GTF3C1: variants seen among roughly 807,000 people sequenced by gnomAD.
GTF3C1 encodes general transcription factor 3C polypeptide 1.
Under a neutral mutation model 226.7 loss-of-function variants are expected in GTF3C1, and 57 were observed. The ratio of observed to expected loss-of-function variants is 0.25; its 90% CI spans 0.20 to 0.31. The LOEUF is 0.31. Ranked by LOEUF, GTF3C1 falls within the 10% of genes least tolerant of loss-of-function variation. The pLI is 1.00. For missense variants in GTF3C1, 2,217 were observed against 2,776.1 expected (o/e 0.80, Z 4.53); for synonymous variants, 1,090 against 1,084.8 (o/e 1.00, Z -0.09).
In GTF3C1 at chr16:27,521,312, A is replaced by C. The variant is rs144332223; in HGVS notation, c.973+7286T>G. Among the ~76,000 whole-genome samples, 114 of 152,280 alleles carry C rather than the reference A, an allele frequency of 7.5e-4. 1 individual carries two copies. The East Asian group carries it at 0.02, about 27-fold the overall frequency. On this transcript the variant is annotated intron_variant, in intron 6 of 36. Transcript: ENST00000356183. ...GCCTGTAAAGGCATCAGCTAGCTAC[A>C]CCTTAGAGAGGTCTTGCGAGAAAAT...
chr16:27,525,879 T>C (rs1436146301), intron 6 of GTF3C1, among the ~76,000 whole-genome samples: 5 of 152,244 alleles, frequency 3.3e-5, no homozygotes, highest in African/African-American at 1.2e-4. Flanking sequence ...TCTATGAGCA[T>C]GTCACTAACT....
Position 27,464,563 on chromosome 16 carries a change from C to A in GTF3C1, c.5629G>T (p.Gly1877Cys), listed in dbSNP as rs1032826239. 1 of 1,492,298 alleles carries A rather than the reference C, an allele frequency of 6.7e-7. No individual in the cohort carries two copies. Among genetic ancestry groups the A allele is most frequent in the East Asian group, 2.5e-5 (1 of 40,576 alleles). 92.4% of individuals were successfully genotyped at this position (1,492,298 alleles called of 1,614,324 possible). ...CTCTTGGCAGGGGTCATCTGGGTGC[C>A]CTCGGCGTCGGTCTCCCCATTCTCA... ...ASENGETDAE[G>C]TQMTPAKRPA... is the part of the protein sequence containing the mutation. The change falls in exon 34 of 37, where the codon GGC becomes TGC. Residue 1877 changes from glycine to cysteine, a missense_variant. Around this residue, in one of 12 missense-constraint regions of GTF3C1, gnomAD observed 455 missense variants for 441.9 expected, o/e 1.03. Coordinates refer to ENST00000356183, the MANE Select transcript of GTF3C1 (RefSeq NM_001520.4).
At position 27,488,230 on chromosome 16, in the gene GTF3C1, T is replaced by C. The variant is rs1167590062; in HGVS notation, c.3697A>G (p.Lys1233Glu). 1.2e-6 allele frequency: 2 copies of C among 1,613,524 alleles called. No homozygotes were observed. The highest frequency in any genetic ancestry group is 1.7e-6 in the Non-Finnish European group (2 of 1,179,654). Residue 1233 changes from lysine to glutamate, a missense_variant, in exon 23 of 37, where the codon AAA becomes GAA. Physicochemically the swap from Lys to Glu is moderately conservative, Grantham distance 56 (BLOSUM62 1). Coordinates refer to ENST00000356183, the MANE Select transcript of GTF3C1 (RefSeq NM_001520.4). ...DPGKKIKRKK[K>E]GEFPGEKSKR... Reference sequence around the variant, plus strand: ...ATGAAAATGATCACCACATAACCTTTCTTCTTTCTCTTGATCTTCTTCCCA... The same window carrying C: ...ATGAAAATGATCACCACATAACCTTCCTTCTTTCTCTTGATCTTCTTCCCA...
rs997103029 is a variant in GTF3C1 at position 27,471,407 on chromosome 16, G to A, written c.4526+341C>T. On this transcript the variant is annotated intron_variant, in intron 30 of 36. Transcript: ENST00000356183. The surrounding 1 kb of genome is among the most constrained non-coding windows in gnomAD (Gnocchi z 5.0). ...GGCTTCCCAGGTCTCAGGGCTACGC[G>A]GAAGAGGGACTGAGGCTATGCTGGA... Among the ~76,000 whole-genome samples the A allele has an allele frequency of 7.2e-5, 11 of 152,338 alleles. No individual in the cohort carries two copies. The East Asian group carries it at 1.9e-3, about 27-fold the overall frequency.
intron 28 of GTF3C1, 139 bp from the exon 29 acceptor site, chr16:27,476,683 AT>A (rs2087955471): frequency 1.6e-6 from 1 of 622,092 alleles, no homozygotes; most frequent in Non-Finnish European, 2.9e-6. Flanking sequence ...AAAACACAAT[AT>A]ATGATGGTTT....
chr16:27,478,612 T>C, intron 27 of GTF3C1, 81 bp from the exon 28 acceptor site: 1 of 932,424 alleles, frequency 1.1e-6, no homozygotes, highest in Non-Finnish European at 1.8e-6. Context: ...AAGATGGCCA[T>C]TTATTGGCTA....
At chr16:27,514,766 A>G (rs756121112) in intron 6 of GTF3C1, among the ~76,000 whole-genome samples, 1 of 152,230 alleles carries the variant, frequency 6.6e-6, no homozygotes, top group Non-Finnish European at 1.5e-5. Flanking sequence ...AGGAATTCAC[A>G]CAAACAAATG....
At chr16:27,513,358 G>A (rs1265050483) in intron 6 of GTF3C1, among the ~76,000 whole-genome samples, 1 of 152,238 alleles carries the variant, frequency 6.6e-6, no homozygotes, top group African/African-American at 2.4e-5. Flanking sequence ...GGAGGCTGAA[G>A]TGAGAGGATT....
intron 5 of GTF3C1, among the ~76,000 whole-genome samples, chr16:27,529,731 C>T (rs2088886689): frequency 6.6e-6 from 1 of 152,212 alleles, no homozygotes; most frequent in Non-Finnish European, 1.5e-5. Context: ...AAGGCTAGGA[C>T]TGCAGCTCCT....
intron 29 of GTF3C1, among the ~76,000 whole-genome samples, chr16:27,472,925 CT>C (rs906306611): frequency 6.6e-6 from 1 of 151,504 alleles, no homozygotes; most frequent in Non-Finnish European, 1.5e-5. Context: ...GATTCAACTC[CT>C]TTTTTTTTGA....
chr16:27,462,042 C>A lies in GTF3C1; in HGVS notation c.6117+252G>T, dbSNP rs2087713228. On this transcript the variant is annotated intron_variant, in intron 36 of 36. Coordinates refer to ENST00000356183, the MANE Select transcript of GTF3C1 (RefSeq NM_001520.4). The surrounding 1 kb of genome is among the most constrained non-coding windows in gnomAD (Gnocchi z 4.5). ...GCCCGGCGGACTCATGAGTTAGTGA[C>A]CCCTGGCACAGAGAAAGCATCAGAG... 1 of 536,268 alleles carries A rather than the reference C, an allele frequency of 1.9e-6. No homozygotes were observed. The highest frequency in any genetic ancestry group is 3.3e-6 in the Non-Finnish European group (1 of 299,312). The allele number at this position is 536,268 out of a possible 1,614,324, so 33.2% of individuals were successfully genotyped here.
rs1300117478 is a variant in GTF3C1 at position 27,506,071 on chromosome 16, G to A, written c.1598C>T (p.Pro533Leu). 6.2e-7 allele frequency: 1 copy of A among 1,613,744 alleles called. No homozygotes were observed. The highest frequency in any genetic ancestry group is 1.3e-5 in the African/African-American group (1 of 74,916). Residue 533 changes from proline to leucine, a missense_variant, in exon 10 of 37, where the codon CCC becomes CTC. Physicochemically the swap from Pro to Leu is moderately conservative, Grantham distance 98. Coordinates refer to ENST00000356183, the MANE Select transcript of GTF3C1 (RefSeq NM_001520.4). ...CTCTTCAGCAGCTCCTGGGAAGGAG[G>A]GCGGCTGCTTTTTCAATGGGTGTAG... ...VNLHPLKKQP[P>L]SFPGAAEERA...
At position 27,471,961 on chromosome 16, in the gene GTF3C1, C is replaced by G. The variant is rs746858519; in HGVS notation, c.4354-41G>C. ...GCGAGGGTGAGTAGGGTTCTCCAGC[C>G]GGCCACGGAGAGGGCTGGGGTATGT... On this transcript the variant is annotated intron_variant, in intron 29 of 36. Transcript: ENST00000356183. This position sits in a 1 kb window ranked among gnomAD's most constrained non-coding sequence, Gnocchi z 5.0. 6.3e-7 allele frequency: 1 copy of G among 1,593,344 alleles called. No homozygotes were observed. The highest frequency in any genetic ancestry group is 8.6e-7 in the Non-Finnish European group (1 of 1,162,306).
In GTF3C1 at chr16:27,463,428, C is replaced by T. The variant is rs1051714858; in HGVS notation, c.5924+113G>A. The T allele has an allele frequency of 4.2e-6, 3 of 715,612 alleles. No homozygotes were observed. Among genetic ancestry groups the T allele is most frequent in the Non-Finnish European group, 7.5e-6 (3 of 398,528 alleles). The allele number at this position is 715,612 out of a possible 1,614,324, so 44.3% of individuals were successfully genotyped here. On this transcript the variant is annotated intron_variant, in intron 35 of 36. Transcript: ENST00000356183. This position sits in a 1 kb window ranked among gnomAD's most constrained non-coding sequence, Gnocchi z 4.9. ...GCCAAGAACCAAGGTGCCGGGCAGG[C>T]TGTCAGAGCTGGTACCTGGGGAAAG...
Position 27,464,760 on chromosome 16 carries a change from G to C in GTF3C1, c.5432C>G (p.Pro1811Arg), listed in dbSNP as rs2087759150. The C allele has an allele frequency of 6.3e-7, 1 of 1,575,110 alleles. No individual in the cohort carries two copies. The highest frequency in any genetic ancestry group is 1.9e-5 in the Admixed American group (1 of 53,392). ...ARLVAMGSAW[P>R]WLLHSVRLKD... ...CAGCCGCACGGAGTGCAGGAGCCAA[G>C]GCCAGGCAGAGCCCATGGCTACCAG... is the stretch of plus-strand genomic sequence containing the variant. The change falls in exon 34 of 37, where the codon CCT becomes CGT. Residue 1811 changes from proline to arginine, a missense_variant. This residue lies in a region of GTF3C1 where 455 missense variants were observed against 441.9 expected (regional missense o/e 1.03). Coordinates refer to ENST00000356183, the MANE Select transcript of GTF3C1 (RefSeq NM_001520.4).
intron 27 of GTF3C1, among the ~76,000 whole-genome samples, chr16:27,479,152 T>C (rs561562456): frequency 2.6e-5 from 4 of 152,340 alleles, no homozygotes; most frequent in African/African-American, 9.6e-5. Context: ...AGGCGACAGA[T>C]ATGTTGGTTA....
At chr16:27,523,666 G>C (rs1324057793) in intron 6 of GTF3C1, among the ~76,000 whole-genome samples, 1 of 152,122 alleles carries the variant, frequency 6.6e-6, no homozygotes, top group African/African-American at 2.4e-5. Context: ...ACACTGTACA[G>C]CCTTTAAAAA....
At chr16:27,476,396 C>A in intron 29 of GTF3C1, 55 bp downstream of exon 29, 2 of 1,134,980 alleles carry the variant, frequency 1.8e-6, no homozygotes, top group South Asian at 2.5e-5. Context: ...ACCTCACGAG[C>A]CTGGCCTCGG....
intron 8 of GTF3C1, 87 bp downstream of exon 8, chr16:27,508,453 G>A (rs1340788960): frequency 6.9e-6 from 7 of 1,020,872 alleles, no homozygotes; most frequent in South Asian, 4.1e-5. Context: ...TCAGGCCATC[G>A]AGTCTTCTGA....
Sources: gnomAD v4.1 joint callset for allele counts (sites outside exome capture counted in the v4.1 genomes callset) on GRCh38, gnomAD v4.1.1 for gene constraint, gnomAD v4.1.1 regional missense constraint, Gnocchi (gnomAD v3.1) non-coding constraint, MANE v1.5 for transcripts, NCBI Gene and HGNC (gene_info 2026-07-23, HGNC 2026-07-21) for gene names.